The following HDLBP variants were observed in gnomAD, a reference collection of about 807,000 sequenced individuals.
HDLBP encodes the protein vigilin.
Under a neutral mutation model 137.3 loss-of-function variants are expected in HDLBP, and 30 were observed. The ratio of observed to expected loss-of-function variants is 0.22; its 90% CI spans 0.16 to 0.30. The LOEUF is 0.30. Ranked by LOEUF, HDLBP falls within the 10% of genes least tolerant of loss-of-function variation. The pLI, the probability that HDLBP is intolerant of heterozygous loss-of-function variation, is 1.00. For synonymous variants in HDLBP, 606 were observed against 596.0 expected (o/e 1.02, Z -0.24); for missense variants, 1,119 against 1,667.3 (o/e 0.67, Z 5.73).
rs778948261 is a variant in HDLBP at position 241,240,211 on chromosome 2, C to T, written c.2170-89G>A. The T allele has an allele frequency of 9.4e-6, 12 of 1,282,106 alleles. No homozygotes were observed. The highest frequency in any genetic ancestry group is 2.4e-5 in the South Asian group (2 of 83,784). The allele number at this position is 1,282,106 out of a possible 1,614,324, so 79.4% of individuals were successfully genotyped here. A position where few individuals can be genotyped will look rare whatever the true frequency, so the allele number is the denominator to read the frequency against. On this transcript the variant is annotated intron_variant, in intron 17 of 27. Transcript: ENST00000310931. The surrounding 1 kb of genome is among the most constrained non-coding windows in gnomAD (Gnocchi z 5.5). ...AAGAGGGTCTGTAGGACAGCAAGCT[C>T]GGGCTCCCCTTACATTGTCACCAGT... is the stretch of plus-strand genomic sequence containing the variant.
chr2:241,278,282 C>A (rs2149607031), intron 1 of HDLBP, among the ~76,000 whole-genome samples: 1 of 152,252 alleles, frequency 6.6e-6, no homozygotes, highest in South Asian at 2.1e-4. Flanking sequence ...ATAATTTGAT[C>A]ATTTCAAAAG....
chr2:241,229,976 C>G lies in HDLBP; in HGVS notation c.3592-15G>C, dbSNP rs376876733. 6.3e-7 allele frequency: 1 copy of G among 1,587,724 alleles called. No homozygotes were observed. The highest frequency in any genetic ancestry group is 2.2e-5 in the East Asian group (1 of 44,550). On this transcript the variant is annotated splice_polypyrimidine_tract_variant and intron_variant, in intron 26 of 27. Transcript: ENST00000310931. ...ACGTCAGCTAGCTGCAGGCAGAAGA[C>G]AGGAAGACAGGGTCAGTCTGCCCAG...
In HDLBP at chr2:241,278,431, A is replaced by T. The variant is rs190235454; in HGVS notation, c.-102-9890T>A. The stretch of plus-strand genomic sequence containing the variant: ...AACTCCGTCTCTACTAAACATACAA[A>T]CATTAGCCGGGCATGGTGGCACATG... On this transcript the variant is annotated intron_variant, in intron 1 of 27. Coordinates refer to ENST00000310931, the MANE Select transcript of HDLBP (RefSeq NM_005336.6). 3.7e-3 allele frequency among the ~76,000 whole-genome samples: 558 copies of T among 152,156 alleles called. 2 individuals carry two copies. Among genetic ancestry groups the T allele is most frequent in the Non-Finnish European group, 5.0e-3 (338 of 67,996 alleles).
At chr2:241,246,664 G>T in intron 16 of HDLBP, 88 bp downstream of exon 16, 1 of 1,318,734 alleles carries the variant, frequency 7.6e-7, no homozygotes, top group Non-Finnish European at 1.1e-6. Flanking sequence ...CTGGCCCAAT[G>T]ACCCTGCGTG....
intron 1 of HDLBP, among the ~76,000 whole-genome samples, chr2:241,283,194 G>A (rs566167956): frequency 3.9e-4 from 59 of 152,264 alleles, no homozygotes; most frequent in African/African-American, 1.4e-3. Flanking sequence ...CCAGAGCAAG[G>A]CCCTAACTCT....
intron 21 of HDLBP, 74 bp downstream of exon 21, chr2:241,236,541 C>G (rs752241540): frequency 7.3e-6 from 11 of 1,501,402 alleles, no homozygotes; most frequent in Non-Finnish European, 1.0e-5. Context: ...CCATCCCATC[C>G]AGGCCACGCG....
At chr2:241,237,726 A>AAC (rs200634417) in intron 20 of HDLBP, among the ~76,000 whole-genome samples, 1 of 117,624 alleles carries the variant, frequency 8.5e-6, no homozygotes, top group Non-Finnish European at 1.8e-5. Flanking sequence ...TCAGAAAAAA[A>AAC]ACGTGTGTAA....
rs187641641 is a variant in HDLBP at position 241,252,874 on chromosome 2, G to T, written c.1372+83C>A. The T allele has an allele frequency of 3.3e-5, 29 of 889,858 alleles. 1 individual carries two copies. The Admixed American group carries it at 4.6e-4, about 14-fold the overall frequency. 55.1% of individuals were successfully genotyped at this position (889,858 alleles called of 1,614,324 possible). A position where few individuals can be genotyped will look rare whatever the true frequency, so the allele number is the denominator to read the frequency against. On this transcript the variant is annotated intron_variant, in intron 11 of 27. Transcript: ENST00000310931. ...AGCAATGGGCCTGGACTGTCTGCACGGACGTCACAGTTCTCACAGCTGACA... is the reference window on the plus strand; with the variant it reads ...AGCAATGGGCCTGGACTGTCTGCACTGACGTCACAGTTCTCACAGCTGACA...
In HDLBP at chr2:241,233,704, C is replaced by G; in HGVS notation, c.3288+116G>C. 9.0e-7 allele frequency: 1 copy of G among 1,115,994 alleles called. No individual in the cohort carries two copies. Among genetic ancestry groups the G allele is most frequent in the Non-Finnish European group, 1.3e-6 (1 of 764,696 alleles). The allele number at this position is 1,115,994 out of a possible 1,614,324, so 69.1% of individuals were successfully genotyped here. ...CCAGAATTAGGTCCTGAGAGACTTG[C>G]CACTCTCAACTTGGCCCTCGAACCC... is the stretch of plus-strand genomic sequence containing the variant. On this transcript the variant is annotated intron_variant, in intron 24 of 27. Transcript: ENST00000310931. The surrounding 1 kb of genome is among the most constrained non-coding windows in gnomAD (Gnocchi z 4.3).
chr2:241,264,419 A>AT, intron 4 of HDLBP, 29 bp downstream of exon 4: 3 of 1,532,702 alleles, frequency 2.0e-6, no homozygotes, highest in Non-Finnish European at 2.7e-6. Flanking sequence ...ACATGATAAA[A>AT]TTTTTAAAAG....
chr2:241,274,842 C>T (rs938269189), intron 1 of HDLBP, among the ~76,000 whole-genome samples: 6 of 152,122 alleles, frequency 3.9e-5, no homozygotes, highest in South Asian at 2.1e-4. Context: ...GAAGTGTGAA[C>T]GTCTGTCTGT....
Position 241,272,717 on chromosome 2 carries a change from C to A in HDLBP, c.-102-4176G>T. 1 of 536,956 alleles carries A rather than the reference C, an allele frequency of 1.9e-6. No homozygotes were observed. Among genetic ancestry groups the A allele is most frequent in the Non-Finnish European group, 2.4e-6 (1 of 424,812 alleles). The allele number at this position is 536,956 out of a possible 1,614,324, so 33.3% of individuals were successfully genotyped here. On this transcript the variant is annotated intron_variant, in intron 1 of 27. Transcript: ENST00000310931. The surrounding 1 kb of genome is among the most constrained non-coding windows in gnomAD (Gnocchi z 5.6). ...CCGCCCGGCAGCCCGCCCGCCCCGT[C>A]CGCCCGCCCGCCCAGGCCTCCCAGC...
intron 16 of HDLBP, among the ~76,000 whole-genome samples, chr2:241,244,768 A>T (rs1348719430): frequency 6.6e-6 from 1 of 152,232 alleles, no homozygotes; most frequent in Non-Finnish European, 1.5e-5. Context: ...ATAAATACAT[A>T]CATTTTTTCA....
chr2:241,229,437 C>T lies in HDLBP; in HGVS notation c.*164G>A, dbSNP rs897935169. On this transcript the variant is annotated 3_prime_UTR_variant, in exon 28 of 28. Coordinates refer to ENST00000310931, the MANE Select transcript of HDLBP (RefSeq NM_005336.6). ...GCGGGCACGGCCAGGCCTGGAGGAG[C>T]GGCCGCACACACAGCCAGGCGCTAG... is the stretch of plus-strand genomic sequence containing the variant. 1.2e-5 allele frequency: 7 copies of T among 583,362 alleles called. No individual in the cohort carries two copies. The highest frequency in any genetic ancestry group is 5.6e-5 in the African/African-American group (3 of 53,152). The allele number at this position is 583,362 out of a possible 1,614,324, so 36.1% of individuals were successfully genotyped here. A position where few individuals can be genotyped will look rare whatever the true frequency, so the allele number is the denominator to read the frequency against.
chr2:241,268,038 A>C (rs1021131121), intron 2 of HDLBP: 1 of 854,064 alleles, frequency 1.2e-6, no homozygotes, highest in Non-Finnish European at 1.4e-6. Context: ...AAACTACTAC[A>C]GTGAGGAAGA....
intron 5 of HDLBP, among the ~76,000 whole-genome samples, chr2:241,261,237 T>C (rs1381744719): frequency 6.7e-6 from 1 of 149,736 alleles, no homozygotes; most frequent in Non-Finnish European, 1.5e-5. Flanking sequence ...GTAAGCACTG[T>C]TAAAGAATGA....
Position 241,230,103 on chromosome 2 carries a change from C to T in HDLBP, c.3591+50G>A, listed in dbSNP as rs774607767. The T allele has an allele frequency of 8.2e-6, 13 of 1,590,676 alleles. No individual in the cohort carries two copies. Among genetic ancestry groups the T allele is most frequent in the East Asian group, 6.7e-5 (3 of 44,742 alleles). The stretch of plus-strand genomic sequence containing the variant: ...TGAAGCTCCTGGCTGGGCCTCAGGC[C>T]GGTGGACGTGCCAGGGCGCCTCAGG... On this transcript the variant is annotated intron_variant, in intron 26 of 27. Transcript: ENST00000310931. This position sits in a 1 kb window ranked among gnomAD's most constrained non-coding sequence, Gnocchi z 5.0.
At chr2:241,270,421 C>T (rs993755746) in intron 1 of HDLBP, among the ~76,000 whole-genome samples, 19 of 152,206 alleles carry the variant, frequency 1.2e-4, no homozygotes, top group Non-Finnish European at 1.6e-4. Flanking sequence ...ACTAGAGACA[C>T]ATTTAACATC....
chr2:241,244,018 G>A (rs2071485685), intron 16 of HDLBP, among the ~76,000 whole-genome samples: 1 of 152,088 alleles, frequency 6.6e-6, no homozygotes, highest in African/African-American at 2.4e-5. Context: ...AAAGCAGAAA[G>A]ACTGAACATG....
Sources: allele counts gnomAD v4.1 joint callset (sites outside exome capture counted in the v4.1 genomes callset), GRCh38; gene constraint gnomAD v4.1.1; non-coding constraint Gnocchi (gnomAD v3.1); transcripts MANE v1.5; gene names NCBI Gene and HGNC (gene_info 2026-07-23, HGNC 2026-07-21).